DLG2: variants seen among roughly 807,000 people sequenced by gnomAD.
DLG2 encodes the protein disks large homolog 2.
A neutral mutation model predicts 132.5 loss-of-function variants in DLG2; 45 were observed. The ratio of observed to expected loss-of-function variants is 0.34; its 90% CI spans 0.27 to 0.44. The LOEUF (loss-of-function observed/expected upper bound fraction) is 0.44. Ranked by LOEUF, DLG2 falls within the 20% of genes least tolerant of loss-of-function variation. The pLI is 1.00. For synonymous variants in DLG2, 424 were observed against 419.6 expected (o/e 1.01, Z -0.13); for missense variants, 1,045 against 1,196.9 (o/e 0.87, Z 1.87).
chr11:84,937,384 CAAA>C (rs35813381), intron 6 of DLG2, among the ~76,000 whole-genome samples: 15 of 132,440 alleles, frequency 1.1e-4, no homozygotes, highest in East Asian at 2.1e-4. Context: ...CATACCAGAC[CAAA>C]AAAAAAAAAA....
intron 6 of DLG2, among the ~76,000 whole-genome samples, chr11:84,993,376 A>G (rs1463068650): frequency 6.6e-6 from 1 of 152,148 alleles, no homozygotes; most frequent in Non-Finnish European, 1.5e-5. Context: ...GGTGGGAAAA[A>G]TATTAAAGAT....
chr11:84,189,798 A>G (rs1296213558), intron 8 of DLG2, among the ~76,000 whole-genome samples: 2 of 152,170 alleles, frequency 1.3e-5, no homozygotes, highest in Non-Finnish European at 2.9e-5. Context: ...ATCATGGTGA[A>G]ACAACACACA....
At chr11:84,550,710 A>G (rs528909437) in intron 6 of DLG2, among the ~76,000 whole-genome samples, 2 of 152,290 alleles carry the variant, frequency 1.3e-5, no homozygotes, top group South Asian at 4.1e-4. Flanking sequence ...GTGACACTAT[A>G]AAGACTAAAG....
chr11:84,460,000 T>A (rs1016063229), intron 7 of DLG2, among the ~76,000 whole-genome samples: 1 of 150,756 alleles, frequency 6.6e-6, no homozygotes, highest in Non-Finnish European at 1.5e-5. Context: ...GATTGTTAGC[T>A]TGGAGTAGCT....
At chr11:85,351,641 G>A (rs1025586694) in intron 3 of DLG2, among the ~76,000 whole-genome samples, 3 of 152,144 alleles carry the variant, frequency 2.0e-5, no homozygotes, top group East Asian at 1.9e-4. Context: ...TTTGTCGAAG[G>A]CCTTTTCTGC....
intron 7 of DLG2, among the ~76,000 whole-genome samples, chr11:84,334,535 C>A (rs1309870311): frequency 6.6e-6 from 1 of 152,128 alleles, no homozygotes; most frequent in Non-Finnish European, 1.5e-5. Context: ...TCAAAGGTAG[C>A]AAACTACGCA....
chr11:84,398,143 G>A (rs1244532835), intron 7 of DLG2, among the ~76,000 whole-genome samples: 7 of 152,152 alleles, frequency 4.6e-5, no homozygotes, highest in Non-Finnish European at 8.8e-5. Context: ...GATATACAGC[G>A]CTTTGGCAAC....
chr11:83,851,252 TG>T (rs1379395045), intron 16 of DLG2, among the ~76,000 whole-genome samples: 1 of 151,988 alleles, frequency 6.6e-6, no homozygotes, highest in Non-Finnish European at 1.5e-5. Context: ...GAAAGGATTG[TG>T]GCAGATGTTA....
At chr11:84,644,158 C>T (rs1176685955) in intron 6 of DLG2, among the ~76,000 whole-genome samples, 2 of 152,058 alleles carry the variant, frequency 1.3e-5, no homozygotes, top group Non-Finnish European at 2.9e-5. Flanking sequence ...TGAGTTTTCC[C>T]GGGGGCTGAG....
At chr11:85,404,308 T>C (rs556365163) in intron 3 of DLG2, among the ~76,000 whole-genome samples, 3 of 152,026 alleles carry the variant, frequency 2.0e-5, no homozygotes, top group African/African-American at 7.2e-5. Flanking sequence ...GGACCAAAGA[T>C]GTAGGCCCTA....
chr11:84,358,787 A>G (rs1003325440), intron 7 of DLG2, among the ~76,000 whole-genome samples: 1 of 152,024 alleles, frequency 6.6e-6, no homozygotes, highest in Non-Finnish European at 1.5e-5. Context: ...ATTTTGCTGT[A>G]TAATAACTAA....
chr11:85,506,234 T>C (rs2093930221), intron 3 of DLG2, among the ~76,000 whole-genome samples: 1 of 152,216 alleles, frequency 6.6e-6, no homozygotes, highest in Non-Finnish European at 1.5e-5. Flanking sequence ...GCTCTGATCT[T>C]AGTTATTTCT....
At chr11:84,905,720 T>C (rs1367032164) in intron 6 of DLG2, among the ~76,000 whole-genome samples, 1 of 152,192 alleles carries the variant, frequency 6.6e-6, no homozygotes, top group African/African-American at 2.4e-5. Flanking sequence ...ATTTCTTGTA[T>C]TTTTTATAGT....
At chr11:84,436,101 G>T (rs2098999853) in intron 7 of DLG2, among the ~76,000 whole-genome samples, 1 of 152,052 alleles carries the variant, frequency 6.6e-6, no homozygotes, top group Non-Finnish European at 1.5e-5. Flanking sequence ...GATACTAGTT[G>T]ACACATAATA....
chr11:83,753,835 GATATATATCATATATATCATATATATATT>G lies in DLG2; in HGVS notation c.1825+32826_1825+32854del, dbSNP rs2093486008. Among the ~76,000 whole-genome samples the G allele has an allele frequency of 8.7e-4, 16 of 18,350 alleles. 2 individuals carry two copies. Among genetic ancestry groups the G allele is most frequent in the African/African-American group, 8.3e-3 (14 of 1,680 alleles). The allele number at this position is 18,350 out of a possible 152,430, so 12.0% of individuals were successfully genotyped here. On this transcript the variant is annotated intron_variant, in intron 18 of 27. Coordinates refer to ENST00000376104, the MANE Select transcript of DLG2 (RefSeq NM_001142699.3). ...TCATATATATATTTCATATATATAT[GATATATATCATATATATCATATATATATT>G]TCATATATATGATATATATCATATA... is the stretch of plus-strand genomic sequence containing the variant.
intron 11 of DLG2, among the ~76,000 whole-genome samples, chr11:84,044,602 G>C (rs2096196819): frequency 2.6e-5 from 4 of 151,672 alleles, no homozygotes; most frequent in Admixed American, 6.6e-5. Flanking sequence ...AATTCTGTTA[G>C]CTTTTGAGAT....
intron 4 of DLG2, among the ~76,000 whole-genome samples, chr11:85,257,832 A>G (rs1671679306): frequency 6.6e-6 from 1 of 152,238 alleles, no homozygotes; most frequent in South Asian, 2.1e-4. Context: ...AACTGCATTC[A>G]TATATAATAT....
At chr11:84,626,847 A>ACATTTTATTTTATTTTATTT (rs373094154) in intron 6 of DLG2, among the ~76,000 whole-genome samples, 4,177 of 144,042 alleles carry the variant, frequency 0.029, 279 homozygotes, top group East Asian at 0.058. Context: ...CATCAATTAC[A>ACATTTTATTTTATTTTATTT]TATTTTATTT....
At chr11:85,108,007 A>AACACACACAC (rs10654409) in intron 6 of DLG2, among the ~76,000 whole-genome samples, 5 of 142,256 alleles carry the variant, frequency 3.5e-5, no homozygotes, top group African/African-American at 1.3e-4. Context: ...CAAACAAATA[A>AACACACACAC]ACACACACAC....
Sources: gnomAD v4.1 joint callset for allele counts (sites outside exome capture counted in the v4.1 genomes callset) on GRCh38, gnomAD v4.1.1 for gene constraint, MANE v1.5 for transcripts, NCBI Gene and HGNC (gene_info 2026-07-23, HGNC 2026-07-21) for gene names.